FGD1: variants seen among roughly 807,000 people sequenced by gnomAD.
The protein encoded by FGD1 is FYVE, RhoGEF and PH domain-containing protein 1.
Under a neutral mutation model 65.0 loss-of-function variants are expected in FGD1, and 12 were observed. That is an observed-to-expected ratio of 0.18 (90% CI 0.12 to 0.30). The LOEUF is 0.30. Among genes scored for constraint, FGD1 ranks in the 10% least tolerant of loss-of-function variants. The pLI, the probability that FGD1 is intolerant of heterozygous loss-of-function variation, is 1.00. For synonymous variants in FGD1, 333 were observed against 343.9 expected, an observed-to-expected ratio of 0.97 and a Z score of 0.35; for missense variants, 542 against 837.6, an observed-to-expected ratio of 0.65 and a Z score of 4.36.
At position 54,445,994 on chromosome X, in the gene FGD1, T is replaced by C; in HGVS notation, c.*115A>G. On this transcript the variant is annotated 3_prime_UTR_variant, in exon 18 of 18. Coordinates refer to ENST00000375135, the MANE Select transcript of FGD1 (RefSeq NM_004463.3). ...AAGACCCAGCATTCGGGATTGAAAGTGCCCGTGATGGGAGTTCAAGTATTG... is the reference window on the plus strand; with the variant it reads ...AAGACCCAGCATTCGGGATTGAAAGCGCCCGTGATGGGAGTTCAAGTATTG... 1 of 531,324 alleles carries C rather than the reference T, an allele frequency of 1.9e-6. No homozygotes were observed. The highest frequency in any genetic ancestry group is 3.1e-6 in the Non-Finnish European group (1 of 326,204). 43.8% of individuals were successfully genotyped at this position (531,324 alleles called of 1,213,427 possible).
At chrX:54,456,135 T>C (rs1922498015) in intron 10 of FGD1, 85 bp downstream of exon 10, 2 of 1,042,479 alleles carry the variant, frequency 1.9e-6, no homozygotes, top group Non-Finnish European at 2.7e-6. Flanking sequence ...AAAGGAGGTA[T>C]AGTCTTTGAG....
chrX:54,492,680 T>C (rs1216983303), intron 1 of FGD1, among the ~76,000 whole-genome samples: 1 of 112,065 alleles, frequency 8.9e-6, no homozygotes. Context: ...AGAAGGTTTT[T>C]CTCTTATTTT....
chrX:54,450,306 G>C lies in FGD1; in HGVS notation c.2016-5C>G, dbSNP rs762502657. ...TCTTTCTTCTCCTCCTCAGTCCTTG[G>C]GGTGGGGAATAAAAAAGAAAGATGT... On this transcript the variant is annotated splice_polypyrimidine_tract_variant and splice_region_variant and intron_variant, in intron 12 of 17. Coordinates refer to ENST00000375135, the MANE Select transcript of FGD1 (RefSeq NM_004463.3). The C allele has an allele frequency of 1.4e-5, 17 of 1,206,887 alleles. No homozygotes were observed. In the East Asian group the frequency reaches 3.0e-4, roughly 21 times the overall value.
At chrX:54,452,266 CAAA>C (rs776104292) in intron 12 of FGD1, among the ~76,000 whole-genome samples, 4 of 28,819 alleles carry the variant, frequency 1.4e-4, no homozygotes, top group Admixed American at 4.7e-4. Context: ...GACCCTATCT[CAAA>C]AAAAAAAAAA....
Position 54,495,496 on chromosome X carries a change from GGGCGGAGGAGGCCCGGCGCCC to G in FGD1, c.-85_-65del, listed in dbSNP as rs1303423082. On this transcript the variant is annotated 5_prime_UTR_variant, in exon 1 of 18. Transcript: ENST00000375135. ...GCTCCAGCTCCTGGGGCGGAGGCGCGGGCGGAGGAGGCCCGGCGCCCGGCGGAGCAGCGGCCTCAGGATCGG... is the reference window on the plus strand; with the variant it reads ...GCTCCAGCTCCTGGGGCGGAGGCGCGGGCGGAGCAGCGGCCTCAGGATCGG... The G allele has an allele frequency of 7.6e-6, 6 of 792,709 alleles. 2 individuals are homozygous for G. The highest frequency in any genetic ancestry group is 4.8e-6 in the Non-Finnish European group (3 of 628,513). The allele number at this position is 792,709 out of a possible 1,213,427, so 65.3% of individuals were successfully genotyped here. A position where few individuals can be genotyped will look rare whatever the true frequency, so the allele number is the denominator to read the frequency against.
Position 54,458,009 on chromosome X carries a change from C to A in FGD1, c.1637-1442G>T, listed in dbSNP as rs1046628444. Among the ~76,000 whole-genome samples the A allele has an allele frequency of 2.7e-5, 3 of 111,944 alleles. No individual in the cohort carries two copies. The South Asian group carries it at 1.1e-3, about 42-fold the overall frequency. ...GGTCCATATGGCTGGCCAACCAAGT[C>A]GTGTTTTCCTAAGAGGCTCTCTCTT... On this transcript the variant is annotated intron_variant, in intron 8 of 17. Coordinates refer to ENST00000375135, the MANE Select transcript of FGD1 (RefSeq NM_004463.3).
intron 1 of FGD1, among the ~76,000 whole-genome samples, chrX:54,483,759 C>T (rs1317347319): frequency 1.8e-5 from 2 of 111,608 alleles, no homozygotes; most frequent in East Asian, 2.8e-4. Flanking sequence ...CCTTCCCCAT[C>T]GCAGGAAGGA....
intron 12 of FGD1, among the ~76,000 whole-genome samples, chrX:54,455,244 T>C (rs748320149): frequency 1.8e-5 from 2 of 112,430 alleles, no homozygotes. Context: ...AGTGCCACCT[T>C]TCCCCATATC....
At position 54,495,320 on chromosome X, in the gene FGD1, G is replaced by A; in HGVS notation, c.113C>T (p.Ser38Leu). 1.7e-6 allele frequency: 2 copies of A among 1,170,271 alleles called. No individual in the cohort carries two copies. Among genetic ancestry groups the A allele is most frequent in the Non-Finnish European group, 2.3e-6 (2 of 876,846 alleles). ...PACADSDPGA[S>L]EPGLLARRGS... ...CCTGCGCGCCAGCAGTCCGGGTTCC[G>A]AGGCTCCAGGGTCCGAGTCGGCACA... Residue 38 changes from serine to leucine, a missense_variant, in exon 1 of 18, where the codon TCG becomes TTG. By Grantham distance (145) the Ser-to-Leu change is moderately radical (BLOSUM62 -2). Transcript: ENST00000375135.
intron 8 of FGD1, among the ~76,000 whole-genome samples, chrX:54,460,030 G>A (rs1458924555): frequency 1.8e-5 from 2 of 109,412 alleles, no homozygotes; most frequent in Non-Finnish European, 3.8e-5. Context: ...ACTTTGGGAG[G>A]CCGAGGCGGG....
At chrX:54,460,114 A>T (rs191299769) in intron 8 of FGD1, among the ~76,000 whole-genome samples, 6 of 103,083 alleles carry the variant, frequency 5.8e-5, no homozygotes, top group Middle Eastern at 9.7e-3. Context: ...AAAAAAAAAT[A>T]CAAAAATAAA....
At chrX:54,472,202 T>C (rs1922911211) in intron 1 of FGD1, among the ~76,000 whole-genome samples, 1 of 107,000 alleles carries the variant, frequency 9.3e-6, no homozygotes, top group African/African-American at 3.4e-5. Context: ...CACTTGAGCC[T>C]GGGAGGTGGA....
intron 1 of FGD1, among the ~76,000 whole-genome samples, chrX:54,487,427 C>T (rs1358970042): frequency 9.0e-6 from 1 of 111,580 alleles, no homozygotes; most frequent in African/African-American, 3.3e-5. Flanking sequence ...TCCAATCTTA[C>T]GTCCAAATGC....
intron 5 of FGD1, 116 bp from the exon 6 acceptor site, chrX:54,468,048 G>C: frequency 1.6e-6 from 1 of 635,477 alleles, no homozygotes. Flanking sequence ...TTGGTCTTGA[G>C]ACTGAGGAGA....
At chrX:54,468,176 A>G (rs1922808271) in intron 5 of FGD1, among the ~76,000 whole-genome samples, 1 of 111,647 alleles carries the variant, frequency 9.0e-6, no homozygotes, top group Non-Finnish European at 1.9e-5. Flanking sequence ...TCTGGCTGAG[A>G]TCTAACTCAA....
At position 54,495,717 on chromosome X, in the gene FGD1, G is replaced by A. The variant is rs1169490906; in HGVS notation, c.-285C>T. The A allele has an allele frequency of 1.7e-5, 2 of 116,850 alleles. No individual in the cohort carries two copies. Among genetic ancestry groups the A allele is most frequent in the Non-Finnish European group, 3.5e-5 (2 of 56,546 alleles). The allele number at this position is 116,850 out of a possible 1,213,427, so 9.6% of individuals were successfully genotyped here. ...CCCCGCGCGGGGAGTGGGCTCGGCGGGGCCGGGGGCCCGCTGGGGAGCGCT... is the reference window on the plus strand; with the variant it reads ...CCCCGCGCGGGGAGTGGGCTCGGCGAGGCCGGGGGCCCGCTGGGGAGCGCT... On this transcript the variant is annotated 5_prime_UTR_variant, in exon 1 of 18. Transcript: ENST00000375135.
At chrX:54,483,078 T>C (rs1023770353) in intron 1 of FGD1, among the ~76,000 whole-genome samples, 2 of 111,772 alleles carry the variant, frequency 1.8e-5, no homozygotes, top group Non-Finnish European at 3.8e-5. Context: ...CTTTAGAAAG[T>C]GGCGGACCTG....
At chrX:54,471,249 T>C in intron 2 of FGD1, 65 bp downstream of exon 2, 1 of 1,143,454 alleles carries the variant, frequency 8.7e-7, no homozygotes, top group Non-Finnish European at 1.2e-6. Context: ...TGCCACTGGC[T>C]AACTTCTCCC....
chrX:54,489,755 C>T (rs1923374901), intron 1 of FGD1, among the ~76,000 whole-genome samples: 1 of 111,525 alleles, frequency 9.0e-6, no homozygotes, highest in African/African-American at 3.3e-5. Context: ...TTAGTTCAGC[C>T]ATTGTGGAAA....
Sources: gnomAD v4.1 joint callset for allele counts (sites outside exome capture counted in the v4.1 genomes callset) on GRCh38, gnomAD v4.1.1 for gene constraint, MANE v1.5 for transcripts, NCBI Gene and HGNC (gene_info 2026-07-23, HGNC 2026-07-21) for gene names.